The following BCOR variants were observed in gnomAD, a reference collection of about 807,000 sequenced individuals.
BCOR encodes BCL6 corepressor, also known as BCL-6 corepressor.
Under a neutral mutation model 86.7 loss-of-function variants are expected in BCOR, and 10 were observed. The observed-to-expected ratio is 0.12, with a 90% CI of 0.07 to 0.20. The LOEUF is 0.20. BCOR is among the 10% of genes least tolerant of loss of function. The pLI, the probability that BCOR is intolerant of heterozygous loss-of-function variation, is 1.00. For synonymous variants in BCOR, 611 were observed against 609.0 expected (o/e 1.00, Z -0.05); for missense variants, 1,259 against 1,452.1 (o/e 0.87, Z 2.16).
intron 1 of BCOR, among the ~76,000 whole-genome samples, chrX:40,139,413 AT>A (rs1937786522): frequency 7.1e-5 from 1 of 13,987 alleles, no homozygotes; most frequent in African/African-American, 6.9e-4. Flanking sequence ...ATATATATAT[AT>A]AATATATATA....
chrX:40,060,263 T>C (rs889064066), intron 10 of BCOR, among the ~76,000 whole-genome samples: 2 of 112,538 alleles, frequency 1.8e-5, no homozygotes, highest in African/African-American at 6.5e-5. Flanking sequence ...AATTAAAACA[T>C]TCAGCATCAA....
At chrX:40,072,094 A>G (rs1463228496) in intron 4 of BCOR, 1 of 430,795 alleles carries the variant, frequency 2.3e-6, no homozygotes. Flanking sequence ...TACCCTTCAC[A>G]ATAATTAAAA....
chrX:40,053,763 G>A (rs1478320455), intron 14 of BCOR, 123 bp downstream of exon 14: 2 of 763,011 alleles, frequency 2.6e-6, no homozygotes, highest in Non-Finnish European at 4.0e-6. Flanking sequence ...CATTGTGTGA[G>A]GTTCGTGGAC....
chrX:40,152,761 T>G (rs754799422), intron 1 of BCOR, among the ~76,000 whole-genome samples: 14 of 112,232 alleles, frequency 1.2e-4, no homozygotes, highest in Middle Eastern at 9.2e-3. Flanking sequence ...CCTCACTGAA[T>G]GTCTGCTTTG....
chrX:40,148,102 T>C (rs1938099294), intron 1 of BCOR, among the ~76,000 whole-genome samples: 1 of 112,117 alleles, frequency 8.9e-6, no homozygotes, highest in Non-Finnish European at 1.9e-5. Flanking sequence ...GCTGCCACTT[T>C]CCACCGCATT....
intron 1 of BCOR, among the ~76,000 whole-genome samples, chrX:40,119,946 G>A (rs1937458423): frequency 9.1e-6 from 1 of 109,889 alleles, no homozygotes; most frequent in South Asian, 4.0e-4. Context: ...CAAGTTGGGG[G>A]GTTGGGGGAG....
rs1935638475 is a variant in BCOR, at chrX:40,074,063, T to C, written c.1283A>G (p.Glu428Gly). ...RKDGSSPPLL[E>G]KQTVTKDVTD... Reference sequence around the variant, plus strand: ...GACGTCTTTGGTAACGGTCTGCTTCTCCAACAGAGGAGGTGAGCTGCCATC... The same window carrying C: ...GACGTCTTTGGTAACGGTCTGCTTCCCCAACAGAGGAGGTGAGCTGCCATC... Residue 428 changes from glutamate (E) to glycine (G), a missense_variant, in exon 4 of 15, where the codon GAG becomes GGG. Around this residue, in one of 7 missense-constraint regions of BCOR, gnomAD observed 534 missense variants for 594.8 expected, o/e 0.90. Coordinates refer to ENST00000378444, the MANE Select transcript of BCOR (RefSeq NM_001123385.2). The C allele has an allele frequency of 8.3e-7, 1 of 1,210,790 alleles. No individual in the cohort carries two copies. The highest frequency in any genetic ancestry group is 2.2e-5 in the Admixed American group (1 of 45,968).
At chrX:40,129,861 C>T (rs748943885) in intron 1 of BCOR, among the ~76,000 whole-genome samples, 9 of 110,026 alleles carry the variant, frequency 8.2e-5, no homozygotes, top group African/African-American at 1.7e-4. Context: ...GACAACATGA[C>T]GAAACCCCGT....
chrX:40,076,508 G>T lies in BCOR; in HGVS notation c.111C>A (p.Asp37Glu). Residue 37 changes from aspartate to glutamate, a missense_variant, in exon 3 of 15, where the codon GAC (aspartate) becomes GAA (glutamate). By Grantham distance (45) the Asp-to-Glu change is conservative. This residue lies in a region of BCOR where 174 missense variants were observed against 189.3 expected (regional missense o/e 0.92). Coordinates refer to ENST00000378444, the MANE Select transcript of BCOR (RefSeq NM_001123385.2). ...EDRKILVNDG[D>E]ASKARLELRE... Reference sequence around the variant, plus strand: ...TCAGTTCCAGTCTGGCTTTTGAAGCGTCACCATCATTTACAAGGATTTTCC... The same window carrying T: ...TCAGTTCCAGTCTGGCTTTTGAAGCTTCACCATCATTTACAAGGATTTTCC... 8.3e-7 allele frequency: 1 copy of T among 1,204,481 alleles called. No homozygotes were observed. The highest frequency in any genetic ancestry group is 1.1e-6 in the Non-Finnish European group (1 of 889,295).
chrX:40,155,464 G>T (rs1602271792), intron 1 of BCOR, among the ~76,000 whole-genome samples: 1 of 111,232 alleles, frequency 9.0e-6, no homozygotes, highest in African/African-American at 3.3e-5. Context: ...CAGGAAGGGG[G>T]TGGGGAGCAG....
At chrX:40,116,414 G>GT (rs747796635) in intron 1 of BCOR, among the ~76,000 whole-genome samples, 80 of 109,943 alleles carry the variant, frequency 7.3e-4, no homozygotes, top group Middle Eastern at 9.3e-3. Flanking sequence ...GCAGAATGGT[G>GT]TGAAACCAGG....
At chrX:40,171,351 A>G (rs1166411853) in intron 1 of BCOR, among the ~76,000 whole-genome samples, 2 of 111,963 alleles carry the variant, frequency 1.8e-5, no homozygotes, top group Non-Finnish European at 3.8e-5. Flanking sequence ...GCCCGGGAGG[A>G]CAATTTTAAA....
rs1349480071 is a variant in BCOR at position 40,097,273 on chromosome X, C to A, written c.-99G>T. 1.9e-5 allele frequency: 2 copies of A among 105,060 alleles called. No individual in the cohort carries two copies. Among genetic ancestry groups the A allele is most frequent in the Non-Finnish European group, 3.9e-5 (2 of 50,665 alleles). The allele number at this position is 105,060 out of a possible 1,213,427, so 8.7% of individuals were successfully genotyped here. The stretch of plus-strand genomic sequence containing the variant: ...CTGCGATCCGGCTCTTTGAAGTTTT[C>A]CCCCAAGCGGACTCGAGGCGGCGAG... On this transcript the variant is annotated 5_prime_UTR_variant, in exon 1 of 15. Transcript: ENST00000378444.
chrX:40,073,802 C>T lies in BCOR; in HGVS notation c.1544G>A (p.Ser515Asn), dbSNP rs1555918870. The change falls in exon 4 of 15, where the codon AGT becomes AAT. Residue 515 changes from serine to asparagine, a missense_variant. Ser to Asn is a conservative substitution (Grantham distance 46, BLOSUM62 1). Around this residue, in one of 7 missense-constraint regions of BCOR, gnomAD observed 534 missense variants for 594.8 expected, o/e 0.90. Transcript: ENST00000378444. The stretch of plus-strand genomic sequence containing the variant: ...TTTGCCATTGTTCTCTTCGTTAGGA[C>T]TTGGCCCGGGCACCACCCAGGATGA... ...APSSWVVPGP[S>N]PNEENNGKSM... is the part of the protein sequence containing the mutation. 1 of 1,212,567 alleles carries T rather than the reference C, an allele frequency of 8.2e-7. No individual in the cohort carries two copies. Among genetic ancestry groups the T allele is most frequent in the Non-Finnish European group, 1.1e-6 (1 of 895,710 alleles).
chrX:40,171,520 G>GGGGTC (rs748164801), intron 1 of BCOR, among the ~76,000 whole-genome samples: 31 of 111,675 alleles, frequency 2.8e-4, no homozygotes, highest in Non-Finnish European at 5.1e-4. Context: ...AAGGAGAATG[G>GGGGTC]GGGTCGGGTG....
intron 1 of BCOR, among the ~76,000 whole-genome samples, chrX:40,161,050 G>T (rs1164036850): frequency 1.9e-5 from 2 of 104,796 alleles, no homozygotes; most frequent in African/African-American, 7.0e-5. Context: ...TGCCCAGGTC[G>T]AAGTGCAGTG....
chrX:40,079,117 A>G (rs919424956), intron 1 of BCOR, among the ~76,000 whole-genome samples: 2 of 111,076 alleles, frequency 1.8e-5, no homozygotes, highest in African/African-American at 3.3e-5. Context: ...TCCCTTGTCC[A>G]GACCGGCCAT....
At chrX:40,078,029 G>A (rs936702103) in intron 1 of BCOR, 60 bp from the exon 2 acceptor site, 4 of 660,285 alleles carry the variant, frequency 6.1e-6, no homozygotes, top group African/African-American at 4.3e-5. Flanking sequence ...CAAACAGGGC[G>A]CTAGAGAAGG....
chrX:40,173,211 ATC>A (rs994422107), intron 1 of BCOR, among the ~76,000 whole-genome samples: 40 of 111,540 alleles, frequency 3.6e-4, no homozygotes, highest in Non-Finnish European at 4.0e-4. Flanking sequence ...TCCAGGCCCT[ATC>A]TCTCCCTCTG....
Sources: gnomAD v4.1 joint callset for allele counts (sites outside exome capture counted in the v4.1 genomes callset) on GRCh38, gnomAD v4.1.1 for gene constraint, gnomAD v4.1.1 regional missense constraint, MANE v1.5 for transcripts, NCBI Gene and HGNC (gene_info 2026-07-23, HGNC 2026-07-21) for gene names.